Variants in CSMD1 observed in about 807,000 individuals in gnomAD.
The protein encoded by CSMD1 is CUB and sushi domain-containing protein 1.
CSMD1 carries 213 observed loss-of-function variants against 417.5 expected under a neutral mutation model. That is an observed-to-expected ratio of 0.51 (90% CI 0.46 to 0.57). The LOEUF (loss-of-function observed/expected upper bound fraction) is 0.57. Among genes scored for constraint, CSMD1 ranks in the 20% least tolerant of loss-of-function variants. The pLI is 0.00. For synonymous variants in CSMD1, 2,862 were observed against 1,736.8 expected (o/e 1.65, Z -16.11); for missense variants, 6,923 against 4,529.7 (o/e 1.53, Z -15.17).
chr8:4,317,017 CA>C (rs971664464), intron 3 of CSMD1, among the ~76,000 whole-genome samples: 1 of 151,908 alleles, frequency 6.6e-6, no homozygotes, highest in Non-Finnish European at 1.5e-5. Context: ...ACTGTTGGGG[CA>C]AAAAACTACA....
At chr8:3,210,682 A>G (rs1203770795) in intron 30 of CSMD1, among the ~76,000 whole-genome samples, 1 of 149,302 alleles carries the variant, frequency 6.7e-6, no homozygotes, top group Non-Finnish European at 1.5e-5. Context: ...ATACACACCT[A>G]TATATGTATA....
At chr8:3,558,110 GGTGCCTC>G (rs1799242948) in intron 10 of CSMD1, among the ~76,000 whole-genome samples, 4 of 142,342 alleles carry the variant, frequency 2.8e-5, no homozygotes, top group East Asian at 2.0e-4. Context: ...AATGATGAAT[GGTGCCTC>G]AATGGTACCC....
At chr8:3,392,087 C>G (rs1483366900) in intron 17 of CSMD1, among the ~76,000 whole-genome samples, 8 of 129,828 alleles carry the variant, frequency 6.2e-5, no homozygotes, top group Non-Finnish European at 1.1e-4. Context: ...AGGGGAACAT[C>G]ACACACCAGG....
chr8:4,737,072 A>C (rs1010550829), intron 1 of CSMD1, among the ~76,000 whole-genome samples: 1 of 152,186 alleles, frequency 6.6e-6, no homozygotes, highest in Non-Finnish European at 1.5e-5. Context: ...AAGAAAAGAC[A>C]TGTAATCAAC....
intron 3 of CSMD1, among the ~76,000 whole-genome samples, chr8:4,406,839 A>T (rs1344161553): frequency 6.6e-6 from 1 of 152,220 alleles, no homozygotes; most frequent in African/African-American, 2.4e-5. Flanking sequence ...TTACAGCAAA[A>T]CTATTAAAAT....
intron 1 of CSMD1, among the ~76,000 whole-genome samples, chr8:4,869,531 A>G (rs906957635): frequency 6.6e-6 from 1 of 152,030 alleles, no homozygotes; most frequent in African/African-American, 2.4e-5. Flanking sequence ...TAGTGTATCT[A>G]TTTATATTTT....
chr8:3,889,238 ATAAAT>A (rs1048403813), intron 5 of CSMD1, among the ~76,000 whole-genome samples: 17 of 151,944 alleles, frequency 1.1e-4, no homozygotes, highest in African/African-American at 3.9e-4. Flanking sequence ...TTTAATAATG[ATAAAT>A]TAAAGAGAGA....
intron 1 of CSMD1, among the ~76,000 whole-genome samples, chr8:4,789,183 T>A (rs1797564045): frequency 6.6e-6 from 1 of 152,246 alleles, no homozygotes; most frequent in South Asian, 2.1e-4. Flanking sequence ...TGCTTTGTGC[T>A]TAGAAAATAT....
intron 3 of CSMD1, among the ~76,000 whole-genome samples, chr8:4,137,456 G>C (rs938007516): frequency 7.6e-6 from 1 of 132,330 alleles, no homozygotes; most frequent in African/African-American, 2.5e-5. Flanking sequence ...AAAATAGAGA[G>C]TATTTTAAAA....
chr8:4,664,498 C>G (rs1408093515), intron 1 of CSMD1, among the ~76,000 whole-genome samples: 1 of 152,120 alleles, frequency 6.6e-6, no homozygotes, highest in Non-Finnish European at 1.5e-5. Context: ...GAGTTCAAGG[C>G]TGCAGTGAGC....
chr8:3,318,630 C>G (rs1563267212), intron 23 of CSMD1, among the ~76,000 whole-genome samples: 1 of 152,134 alleles, frequency 6.6e-6, no homozygotes, highest in East Asian at 1.9e-4. Flanking sequence ...CATGGTTTTG[C>G]CCTTTGGGAC....
chr8:3,908,594 T>C (rs1245280335), intron 5 of CSMD1, among the ~76,000 whole-genome samples: 1 of 152,174 alleles, frequency 6.6e-6, no homozygotes, highest in Non-Finnish European at 1.5e-5. Context: ...GTTTAATCCC[T>C]GGAACATACT....
chr8:3,942,538 C>A (rs1391070245), intron 5 of CSMD1, among the ~76,000 whole-genome samples: 1 of 152,110 alleles, frequency 6.6e-6, no homozygotes, highest in African/African-American at 2.4e-5. Context: ...GACACCGGTG[C>A]ATGAGGACTG....
chr8:3,560,776 C>T (rs769677107), intron 10 of CSMD1, among the ~76,000 whole-genome samples: 3 of 152,146 alleles, frequency 2.0e-5, no homozygotes, highest in Non-Finnish European at 4.4e-5. Flanking sequence ...CTATATATCT[C>T]CTTGATTTGA....
chr8:4,146,280 G>A (rs997099512), intron 3 of CSMD1, among the ~76,000 whole-genome samples: 2 of 150,960 alleles, frequency 1.3e-5, no homozygotes, highest in Non-Finnish European at 2.9e-5. Context: ...TTCGCGTAGT[G>A]CAGTCGGCAC....
At chr8:3,796,879 G>C (rs895699117) in intron 5 of CSMD1, among the ~76,000 whole-genome samples, 1 of 151,540 alleles carries the variant, frequency 6.6e-6, no homozygotes, top group Non-Finnish European at 1.5e-5. Flanking sequence ...CTACAAAAAT[G>C]GAAATTCCTC....
chr8:3,333,527 AT>A (rs1323792474), intron 23 of CSMD1, among the ~76,000 whole-genome samples: 1 of 152,252 alleles, frequency 6.6e-6, no homozygotes, highest in Non-Finnish European at 1.5e-5. Context: ...CAAATGATAT[AT>A]AGATACTGCA....
chr8:3,505,264 T>C (rs769303585), intron 10 of CSMD1, among the ~76,000 whole-genome samples: 13 of 152,234 alleles, frequency 8.5e-5, no homozygotes, highest in Admixed American at 6.5e-5. Context: ...TGCGATAAAA[T>C]GCAGAATTAA....
intron 5 of CSMD1, among the ~76,000 whole-genome samples, chr8:3,986,664 T>C (rs962901890): frequency 1.3e-5 from 2 of 152,196 alleles, no homozygotes; most frequent in Non-Finnish European, 2.9e-5. Flanking sequence ...CCATGAGATA[T>C]GAGGGACAGA....
Sources: allele counts gnomAD v4.1 joint callset (sites outside exome capture counted in the v4.1 genomes callset), GRCh38; gene constraint gnomAD v4.1.1; transcripts MANE v1.5; gene names NCBI Gene and HGNC (gene_info 2026-07-23, HGNC 2026-07-21).